IFT74: variants seen among roughly 807,000 people sequenced by gnomAD.
IFT74 encodes intraflagellar transport 74, also known as intraflagellar transport protein 74 homolog.
In IFT74, 92 loss-of-function variants were observed where a neutral mutation model predicts 96.7. That is an observed-to-expected ratio of 0.95 (90% confidence interval 0.80 to 1.13). The LOEUF is 1.13. Ranked by LOEUF, IFT74 falls within the 50% of genes most tolerant of loss-of-function variation. IFT74 has a pLI of 0.00. For synonymous variants in IFT74, 223 were observed against 213.2 expected (o/e 1.05, Z -0.40); for missense variants, 811 against 698.2 (o/e 1.16, Z -1.82).
At chr9:26,961,763 A>C (rs1826370315) in intron 1 of IFT74, among the ~76,000 whole-genome samples, 186 bp from the exon 2 acceptor site, 1 of 152,222 alleles carries the variant, frequency 6.6e-6, no homozygotes, top group Admixed American at 6.5e-5. Context: ...GAATGTTGCA[A>C]GAAACAATCT....
chr9:27,012,934 G>A (rs765525762), intron 10 of IFT74, among the ~76,000 whole-genome samples: 1 of 151,894 alleles, frequency 6.6e-6, no homozygotes, highest in Non-Finnish European at 1.5e-5. Context: ...AGCCAGGATG[G>A]TCTCGATCTC....
chr9:26,962,125 AG>A, intron 2 of IFT74, 38 bp downstream of exon 2: 1 of 1,609,438 alleles, frequency 6.2e-7, no homozygotes, highest in Non-Finnish European at 8.5e-7. Flanking sequence ...TGGGAGGCCA[AG>A]GTGGGAGGAC....
chr9:27,049,411 G>A (rs1239743898), intron 16 of IFT74, among the ~76,000 whole-genome samples: 1 of 152,150 alleles, frequency 6.6e-6, no homozygotes, highest in Non-Finnish European at 1.5e-5. Flanking sequence ...TGTCTGGCAG[G>A]CACTTTAAGT....
chr9:26,947,768 G>C (rs142475297), intron 1 of IFT74, among the ~76,000 whole-genome samples: 32 of 152,268 alleles, frequency 2.1e-4, no homozygotes, highest in African/African-American at 7.7e-4. Flanking sequence ...CCTACTCTCT[G>C]TTGTCAAATT....
At chr9:26,948,850 T>C (rs1246572977) in intron 1 of IFT74, among the ~76,000 whole-genome samples, 2 of 152,148 alleles carry the variant, frequency 1.3e-5, no homozygotes, top group African/African-American at 2.4e-5. Context: ...CCCTCTGTTA[T>C]CTCTCTTACT....
chr9:27,058,018 C>T (rs1751877859), intron 18 of IFT74, among the ~76,000 whole-genome samples: 1 of 152,026 alleles, frequency 6.6e-6, no homozygotes, highest in African/African-American at 2.4e-5. Flanking sequence ...ATCATACATC[C>T]ATATTGTTTT....
chr9:27,014,981 T>C (rs1829274838), intron 10 of IFT74, among the ~76,000 whole-genome samples: 1 of 152,374 alleles, frequency 6.6e-6, no homozygotes, highest in South Asian at 2.1e-4. Flanking sequence ...AATCAACTAG[T>C]ATTTTTTGAA....
intron 1 of IFT74, among the ~76,000 whole-genome samples, chr9:26,950,168 C>T (rs529486387): frequency 2.6e-4 from 40 of 152,030 alleles, no homozygotes; most frequent in Admixed American, 1.3e-4. Context: ...AAAAGTTAGC[C>T]GGGTGTGGTG....
In IFT74 at chr9:26,978,223, A is replaced by G. The variant is rs749453994; in HGVS notation, c.216A>G (p.Val72=). Residue 72 remains valine, a synonymous_variant, in exon 3 of 20, where the codon GTA becomes GTG. Coordinates refer to ENST00000380062, the MANE Select transcript of IFT74 (RefSeq NM_025103.4). ...SSQIKVAHRP[V]TQQGLTGMKT... ...AAATCAAAGTTGCCCATCGCCCTGT[A>G]ACACAACAAGGTTTGACTGGAATGA... 15 of 1,613,500 alleles carry G rather than the reference A, an allele frequency of 9.3e-6. No individual in the cohort carries two copies. The highest frequency in any genetic ancestry group is 3.3e-5 in the South Asian group (3 of 91,036).
chr9:26,975,834 C>G (rs1410730079), intron 2 of IFT74, among the ~76,000 whole-genome samples: 1 of 152,200 alleles, frequency 6.6e-6, no homozygotes, highest in Non-Finnish European at 1.5e-5. Flanking sequence ...TTTAGCCCCA[C>G]CTGTTGGAGG....
intron 13 of IFT74, among the ~76,000 whole-genome samples, chr9:27,030,480 G>A (rs992944967): frequency 2.0e-5 from 3 of 150,394 alleles, no homozygotes; most frequent in Non-Finnish European, 4.4e-5. Flanking sequence ...CCCAGGAGGC[G>A]GAGGTTGCAG....
At chr9:26,994,664 A>G (rs1426917532) in intron 8 of IFT74, 1 of 152,620 alleles carries the variant, frequency 6.6e-6, no homozygotes, top group African/African-American at 2.4e-5. Context: ...CTCTCTGGAA[A>G]TTAGTATTCT....
At chr9:26,964,917 T>G (rs1488412864) in intron 2 of IFT74, among the ~76,000 whole-genome samples, 2 of 152,022 alleles carry the variant, frequency 1.3e-5, no homozygotes, top group African/African-American at 4.8e-5. Flanking sequence ...GAGAAACACA[T>G]CATATGAGGA....
At chr9:26,952,778 C>G (rs1218247423), upstream of IFT74, among the ~76,000 whole-genome samples, 2 of 152,122 alleles carry the variant, frequency 1.3e-5, no homozygotes, top group Non-Finnish European at 2.9e-5. Flanking sequence ...CTTTATATAT[C>G]TTGGAAAACT....
Position 27,048,259 on chromosome 9 carries a change from C to A in IFT74, c.1318C>A (p.Gln440Lys), listed in dbSNP as rs533839288. Reference sequence around the variant, plus strand: ...AGTGCAGAAATCACAAAGTACAGCTCAGAATTTGACTTCAGGTGAGAAAAC... The same window carrying A: ...AGTGCAGAAATCACAAAGTACAGCTAAGAATTTGACTTCAGGTGAGAAAAC... The part of the protein sequence containing the change: ...TEVQKSQSTA[Q>K]NLTSDIQRLQ... Residue 440 changes from glutamine to lysine, a missense_variant, in exon 16 of 20, where the codon CAG becomes AAG. By Grantham distance (53) the Gln-to-Lys change is moderately conservative (BLOSUM62 1). Coordinates refer to ENST00000380062, the MANE Select transcript of IFT74 (RefSeq NM_025103.4). 2 of 1,590,054 alleles carry A rather than the reference C, an allele frequency of 1.3e-6. No homozygotes were observed. Among genetic ancestry groups the A allele is most frequent in the African/African-American group, 2.7e-5 (2 of 74,068 alleles).
intron 2 of IFT74, among the ~76,000 whole-genome samples, chr9:26,968,265 AT>A (rs34472331): frequency 0.29 from 40,574 of 139,104 alleles, 7,023 homozygotes; most frequent in East Asian, 0.67. Flanking sequence ...TTAAAAAAAA[AT>A]TTTTTTTTTT....
chr9:27,058,719 C>A (rs1398624677), intron 18 of IFT74, among the ~76,000 whole-genome samples: 1 of 152,172 alleles, frequency 6.6e-6, no homozygotes, highest in African/African-American at 2.4e-5. Flanking sequence ...TTAGCTATTT[C>A]ATTGTATGGA....
rs555950979 is a variant in IFT74, at chr9:27,037,287, C to T, written c.1055-7455C>T. Among the ~76,000 whole-genome samples, 4 of 148,316 alleles carry T rather than the reference C, an allele frequency of 2.7e-5. No individual in the cohort carries two copies. The East Asian group carries it at 8.3e-4, about 31-fold the overall frequency. ...TCAAATGTATGAGTAGACAAAATAT[C>T]ACAGAAGCATGTCCCTGTTGATGGC... is the stretch of plus-strand genomic sequence containing the variant. On this transcript the variant is annotated intron_variant, in intron 13 of 19. Transcript: ENST00000380062.
intron 2 of IFT74, among the ~76,000 whole-genome samples, chr9:26,968,802 CT>C (rs147935423): frequency 6.6e-6 from 1 of 151,650 alleles, no homozygotes; most frequent in Non-Finnish European, 1.5e-5. Flanking sequence ...AGTCTTCCCT[CT>C]TTTTTTCATT....
Sources: gnomAD v4.1 joint callset for allele counts (sites outside exome capture counted in the v4.1 genomes callset) on GRCh38, gnomAD v4.1.1 for gene constraint, MANE v1.5 for transcripts, NCBI Gene and HGNC (gene_info 2026-07-23, HGNC 2026-07-21) for gene names.